Variants in GTF2F2 observed in about 807,000 individuals in gnomAD.
The protein encoded by GTF2F2 is ATP-dependent helicase GTF2F2.
GTF2F2 carries 23 observed loss-of-function variants against 42.2 expected under a neutral mutation model. The observed-to-expected ratio is 0.55, with a 90% CI of 0.39 to 0.77. The LOEUF (loss-of-function observed/expected upper bound fraction) is 0.77, where lower values mean the gene tolerates loss of function less well. Ranked by LOEUF, GTF2F2 falls within the 30% of genes least tolerant of loss-of-function variation. The probability of loss-of-function intolerance (pLI) is 0.00; values close to 1 mark genes in which losing one functional copy is unlikely to be tolerated. For missense variants in GTF2F2, 261 were observed against 287.2 expected (o/e 0.91, Z 0.66); for synonymous variants, 105 against 100.8 (o/e 1.04, Z -0.25).
At chr13:45,170,161 C>A (rs937119993) in intron 4 of GTF2F2, among the ~76,000 whole-genome samples, 2 of 152,156 alleles carry the variant, frequency 1.3e-5, no homozygotes, top group African/African-American at 4.8e-5. Context: ...ATAGCTGGGA[C>A]TACAGGCATA....
At chr13:45,152,282 C>T (rs1002978902) in intron 4 of GTF2F2, among the ~76,000 whole-genome samples, 3 of 152,142 alleles carry the variant, frequency 2.0e-5, no homozygotes, top group African/African-American at 7.2e-5. Flanking sequence ...CTCTGTTATT[C>T]ATACTATGCT....
At chr13:45,246,473 G>C (rs1875623879) in intron 5 of GTF2F2, among the ~76,000 whole-genome samples, 3 of 152,114 alleles carry the variant, frequency 2.0e-5, no homozygotes, top group South Asian at 4.2e-4. Context: ...TGTTTAACTT[G>C]AGTCCCACTC....
At chr13:45,211,571 G>C (rs1298650465) in intron 5 of GTF2F2, among the ~76,000 whole-genome samples, 1 of 143,434 alleles carries the variant, frequency 7.0e-6, no homozygotes, top group Admixed American at 7.0e-5. Context: ...ACCTGGCCAA[G>C]CTCAAAAAAA....
At chr13:45,163,120 G>A (rs920787468) in intron 4 of GTF2F2, among the ~76,000 whole-genome samples, 6 of 152,128 alleles carry the variant, frequency 3.9e-5, no homozygotes, top group Non-Finnish European at 7.4e-5. Context: ...TGGAAGTCCA[G>A]TGTTTAGCTT....
chr13:45,156,194 A>C (rs1870748224), intron 4 of GTF2F2, among the ~76,000 whole-genome samples: 1 of 152,220 alleles, frequency 6.6e-6, no homozygotes, highest in Non-Finnish European at 1.5e-5. Flanking sequence ...GTGCTAGAAT[A>C]AGATTAGCCT....
intron 4 of GTF2F2, among the ~76,000 whole-genome samples, chr13:45,158,594 G>A (rs930239470): frequency 1.3e-5 from 2 of 151,934 alleles, no homozygotes; most frequent in Non-Finnish European, 2.9e-5. Flanking sequence ...TTTTTCCTCT[G>A]TCAGGGATTT....
intron 5 of GTF2F2, among the ~76,000 whole-genome samples, chr13:45,236,636 A>G (rs75415981): frequency 0.012 from 1,803 of 152,270 alleles, 30 homozygotes; most frequent in African/African-American, 0.037. Flanking sequence ...CCCTAAAAGC[A>G]TTAGCCTATT....
intron 5 of GTF2F2, among the ~76,000 whole-genome samples, chr13:45,251,434 T>C (rs909043303): frequency 4.6e-5 from 7 of 152,154 alleles, no homozygotes; most frequent in African/African-American, 1.4e-4. Context: ...AAATGAACCA[T>C]CCAAGGAATT....
chr13:45,255,878 T>G (rs1055738927), intron 6 of GTF2F2, among the ~76,000 whole-genome samples: 2 of 152,212 alleles, frequency 1.3e-5, no homozygotes, highest in Non-Finnish European at 2.9e-5. Flanking sequence ...TGTAAAGAGT[T>G]GTTACCTTTC....
At chr13:45,160,313 GTTGGAAAAGGGAGGAGTAA>G (rs912010072) in intron 4 of GTF2F2, among the ~76,000 whole-genome samples, 10 of 152,162 alleles carry the variant, frequency 6.6e-5, no homozygotes, top group Non-Finnish European at 1.5e-4. Flanking sequence ...TAAATACATA[GTTGGAAAAGGGAGGAGTAA>G]TTAGTAGCAT....
rs7320037 is a variant in GTF2F2, at chr13:45,181,193, A to C, written c.305-26231A>C. ...AAAGACAAAAAAACAAACAAACAAAAAAAAAAAAAACCAGAAAAACCAAAG... is the reference window on the plus strand; with the variant it reads ...AAAGACAAAAAAACAAACAAACAAACAAAAAAAAAACCAGAAAAACCAAAG... On this transcript the variant is annotated intron_variant, in intron 4 of 7. Transcript: ENST00000340473. Among the ~76,000 whole-genome samples the C allele has an allele frequency of 8.3e-3, 979 of 118,376 alleles. 34 individuals are homozygous for C. The highest frequency in any genetic ancestry group is 0.027 in the East Asian group (136 of 4,958). The allele number at this position is 118,376 out of a possible 152,430, so 77.7% of individuals were successfully genotyped here.
intron 2 of GTF2F2, among the ~76,000 whole-genome samples, chr13:45,143,904 T>A (rs1870057414): frequency 1.3e-5 from 2 of 152,206 alleles, no homozygotes; most frequent in African/African-American, 4.8e-5. Context: ...CCAATGTACC[T>A]GGATTATTTT....
At position 45,272,235 on chromosome 13, in the gene GTF2F2, A is replaced by G. The variant is rs9567537; in HGVS notation, c.630+4859A>G. On this transcript the variant is annotated intron_variant, in intron 7 of 7. Coordinates refer to ENST00000340473, the MANE Select transcript of GTF2F2 (RefSeq NM_004128.3). ...TTAATTAAAAGTTTTAGAATATGAAATGTGATGTAAAATAAACTATTAACT... is the reference window on the plus strand; with the variant it reads ...TTAATTAAAAGTTTTAGAATATGAAGTGTGATGTAAAATAAACTATTAACT... 1.6e-4 allele frequency among the ~76,000 whole-genome samples: 24 copies of G among 151,334 alleles called. No homozygotes were observed. In the East Asian group the frequency reaches 4.2e-3, roughly 27 times the overall value.
intron 6 of GTF2F2, among the ~76,000 whole-genome samples, chr13:45,256,566 C>G (rs1488733152): frequency 1.3e-5 from 2 of 151,994 alleles, no homozygotes; most frequent in African/African-American, 4.8e-5. Context: ...TATAATCTAC[C>G]ACATTGCATT....
intron 4 of GTF2F2, among the ~76,000 whole-genome samples, chr13:45,168,953 T>C (rs922066993): frequency 4.0e-5 from 5 of 125,136 alleles, no homozygotes; most frequent in African/African-American, 5.9e-5. Context: ...CTTCTTTCCC[T>C]CTTTCCCTCC....
intron 4 of GTF2F2, among the ~76,000 whole-genome samples, chr13:45,197,430 G>C (rs12866139): frequency 6.6e-6 from 1 of 150,440 alleles, no homozygotes; most frequent in Non-Finnish European, 1.5e-5. Flanking sequence ...AATCGCCTGA[G>C]CCCGGGAGGT....
intron 3 of GTF2F2, among the ~76,000 whole-genome samples, chr13:45,151,112 AC>A (rs959566024): frequency 1.3e-5 from 2 of 151,834 alleles, no homozygotes; most frequent in East Asian, 1.9e-4. Flanking sequence ...TAGTTTTTTA[AC>A]CCTTGGTCTC....
chr13:45,273,853 GTT>G (rs1465864997), intron 7 of GTF2F2, among the ~76,000 whole-genome samples: 3 of 151,908 alleles, frequency 2.0e-5, no homozygotes, highest in Non-Finnish European at 2.9e-5. Context: ...TCTGCTGCTG[GTT>G]TCTTCATTTA....
chr13:45,170,022 G>GTTAT lies in GTF2F2; in HGVS notation c.304+18207_304+18210dup, dbSNP rs1229932822. On this transcript the variant is annotated intron_variant, in intron 4 of 7. Transcript: ENST00000340473. ...TTATTTGATTTTTAATAAGAGACTG[G>GTTAT]TTATTTATTTATTTATTTAGAGACA... Among the ~76,000 whole-genome samples, 10 of 151,920 alleles carry GTTAT rather than the reference G, an allele frequency of 6.6e-5. No homozygotes were observed. The East Asian group carries it at 9.6e-4, about 15-fold the overall frequency.
Sources: gnomAD v4.1 joint callset for allele counts (sites outside exome capture counted in the v4.1 genomes callset) on GRCh38, gnomAD v4.1.1 for gene constraint, MANE v1.5 for transcripts, NCBI Gene and HGNC (gene_info 2026-07-23, HGNC 2026-07-21) for gene names.